CCDC191: variants seen among roughly 807,000 people sequenced by gnomAD.
The protein encoded by CCDC191 is coiled-coil domain-containing protein 191.
In CCDC191, 99 loss-of-function variants were observed where a neutral mutation model predicts 114.0. That is an observed-to-expected ratio of 0.87 (90% CI 0.74 to 1.03). CCDC191 has a LOEUF of 1.03. Among genes scored for constraint, CCDC191 ranks in the 50% least tolerant of loss-of-function variants. CCDC191 has a pLI of 0.00. For synonymous variants in CCDC191, 351 were observed against 376.0 expected, an observed-to-expected ratio of 0.93 and a Z score of 0.77; for missense variants, 973 against 1,087.0, an observed-to-expected ratio of 0.90 and a Z score of 1.47.
chr3:114,041,463 G>A (rs945566181), intron 4 of CCDC191, among the ~76,000 whole-genome samples: 10 of 152,120 alleles, frequency 6.6e-5, no homozygotes, highest in Non-Finnish European at 1.3e-4. Context: ...CCTAACTAAC[G>A]GAAACTTCTA....
At chr3:114,001,529 T>G (rs563715225) in intron 13 of CCDC191, 66 bp downstream of exon 13, 1 of 1,570,462 alleles carries the variant, frequency 6.4e-7, no homozygotes, top group Admixed American at 1.9e-5. Context: ...AGAAGGTGGA[T>G]AGGGCCACAG....
At chr3:114,020,055 G>A (rs1345279216) in intron 7 of CCDC191, among the ~76,000 whole-genome samples, 1 of 152,170 alleles carries the variant, frequency 6.6e-6, no homozygotes, top group Non-Finnish European at 1.5e-5. Context: ...TAACCTCATA[G>A]AAAGTGACTT....
At chr3:113,991,321 A>C (rs991719258) in intron 13 of CCDC191, among the ~76,000 whole-genome samples, 2 of 149,842 alleles carry the variant, frequency 1.3e-5, no homozygotes, top group African/African-American at 2.4e-5. Context: ...ACAATATATA[A>C]AAATAACACA....
At chr3:114,039,943 A>T (rs539608086) in intron 4 of CCDC191, among the ~76,000 whole-genome samples, 1 of 152,206 alleles carries the variant, frequency 6.6e-6, no homozygotes, top group Non-Finnish European at 1.5e-5. Context: ...CAGTGTTTTA[A>T]GTCTACAGTA....
intron 7 of CCDC191, among the ~76,000 whole-genome samples, chr3:114,027,442 C>T (rs375299211): frequency 6.1e-4 from 70 of 115,404 alleles, no homozygotes; most frequent in African/African-American, 1.9e-3. Context: ...GGTGAAACTC[C>T]GTCTCTACTA....
intron 13 of CCDC191, among the ~76,000 whole-genome samples, chr3:113,991,765 C>T (rs1455062736): frequency 6.6e-6 from 1 of 152,104 alleles, no homozygotes; most frequent in Non-Finnish European, 1.5e-5. Context: ...CTAGACTATT[C>T]CAAATAATTT....
intron 2 of CCDC191, among the ~76,000 whole-genome samples, chr3:114,048,893 A>G (rs2076665125): frequency 6.6e-6 from 1 of 152,246 alleles, no homozygotes; most frequent in Admixed American, 6.5e-5. Flanking sequence ...AAAGGAATGA[A>G]TACATGAAAA....
At chr3:113,986,455 T>C (rs1359045391) in intron 13 of CCDC191, among the ~76,000 whole-genome samples, 1 of 151,852 alleles carries the variant, frequency 6.6e-6, no homozygotes, top group Non-Finnish European at 1.5e-5. Context: ...AAACACAAAA[T>C]CATATATCCA....
Position 114,046,582 on chromosome 3 carries a change from TTC to T in CCDC191, c.271+7_271+8del. 6.0e-6 allele frequency: 9 copies of T among 1,488,922 alleles called. No individual in the cohort carries two copies. Among genetic ancestry groups the T allele is most frequent in the Non-Finnish European group, 8.4e-6 (9 of 1,066,586 alleles). 92.2% of individuals were successfully genotyped at this position (1,488,922 alleles called of 1,614,324 possible). A position where few individuals can be genotyped will look rare whatever the true frequency, so the allele number is the denominator to read the frequency against. On this transcript the variant is annotated splice_region_variant and intron_variant, in intron 3 of 16. Transcript: ENST00000295878. ...TGTTAACATCGCAGCAGAAAATGCA[TTC>T]TCTTACCTTCTGCATAGATTTCATC...
At position 114,010,847 on chromosome 3, in the gene CCDC191, A is replaced by G. The variant is rs148921355; in HGVS notation, c.1338T>C (p.Ser446=). 246 of 1,613,962 alleles carry G rather than the reference A, an allele frequency of 1.5e-4. No homozygotes were observed. The highest frequency in any genetic ancestry group is 2.0e-4 in the Non-Finnish European group (234 of 1,179,938). ...GACTGATGCCTGATAACCCATTGGC[A>G]CTGAGTTTCCCCAGTGATGCTGCCT... ...LLQAASLGKL[S]ANGLSGISLP... is the part of the protein sequence containing the mutation. Residue 446 remains serine, a synonymous_variant, in exon 9 of 17, where the codon AGT becomes AGC. Transcript: ENST00000295878.
At chr3:113,993,620 C>T (rs2075637985) in intron 13 of CCDC191, among the ~76,000 whole-genome samples, 2 of 152,196 alleles carry the variant, frequency 1.3e-5, no homozygotes. Flanking sequence ...TGGCTCATGC[C>T]TGTAATCCCA....
intron 5 of CCDC191, among the ~76,000 whole-genome samples, chr3:114,036,304 A>G (rs1350574057): frequency 6.6e-6 from 1 of 152,180 alleles, no homozygotes; most frequent in African/African-American, 2.4e-5. Context: ...AGCACACACA[A>G]TCTACGTGTT....
At chr3:114,047,499 T>C (rs1170593832) in intron 2 of CCDC191, among the ~76,000 whole-genome samples, 1 of 151,808 alleles carries the variant, frequency 6.6e-6, no homozygotes, top group Non-Finnish European at 1.5e-5. Context: ...CCAACTCTAG[T>C]TAAAAAATAA....
intron 7 of CCDC191, among the ~76,000 whole-genome samples, chr3:114,026,649 G>T (rs1344425550): frequency 6.6e-6 from 1 of 152,164 alleles, no homozygotes; most frequent in Non-Finnish European, 1.5e-5. Context: ...ATATAAATGA[G>T]ATATTTAACT....
intron 11 of CCDC191, 185 bp downstream of exon 11, chr3:114,004,452 G>A: frequency 8.5e-7 from 1 of 1,173,392 alleles, no homozygotes; most frequent in Non-Finnish European, 1.1e-6. Flanking sequence ...AAAAGGGGCA[G>A]GAAAAAAGTA....
At chr3:114,053,139 G>T (rs1236286937) in intron 2 of CCDC191, among the ~76,000 whole-genome samples, 2 of 152,194 alleles carry the variant, frequency 1.3e-5, no homozygotes, top group Non-Finnish European at 2.9e-5. Context: ...AATAGCTTCA[G>T]TGGTAGAAAA....
Position 114,020,086 on chromosome 3 carries a change from T to C in CCDC191, c.973-1218A>G, listed in dbSNP as rs117395068. ...GACTTTGTGGGAAGTATGGGGGATT[T>C]GCCAGTTTCAAGGATTTGCCTGATT... is the stretch of plus-strand genomic sequence containing the variant. On this transcript the variant is annotated intron_variant, in intron 7 of 16. Coordinates refer to ENST00000295878, the MANE Select transcript of CCDC191 (RefSeq NM_020817.2). Among the ~76,000 whole-genome samples the C allele has an allele frequency of 8.1e-4, 123 of 152,236 alleles. No individual in the cohort carries two copies. In the East Asian group the frequency reaches 0.02, roughly 25 times the overall value.
chr3:113,965,399 A>G, intron 16 of CCDC191, 40 bp from the exon 17 acceptor site: 2 of 1,374,840 alleles, frequency 1.5e-6, no homozygotes, highest in Non-Finnish European at 2.0e-6. Flanking sequence ...ATGTTGAGAA[A>G]AAGTTGGCTT....
chr3:114,044,073 A>C (rs906100496), intron 3 of CCDC191, among the ~76,000 whole-genome samples: 5 of 152,108 alleles, frequency 3.3e-5, no homozygotes, highest in African/African-American at 1.2e-4. Context: ...TATTGGCTAC[A>C]ATACTCTGGA....
Sources: gnomAD v4.1 joint callset for allele counts (sites outside exome capture counted in the v4.1 genomes callset) on GRCh38, gnomAD v4.1.1 for gene constraint, MANE v1.5 for transcripts, NCBI Gene and HGNC (gene_info 2026-07-23, HGNC 2026-07-21) for gene names.